Variants in IGSF11 observed in about 807,000 individuals in gnomAD.
The protein encoded by IGSF11 is CXADR like 1.
IGSF11 carries 22 observed loss-of-function variants against 41.0 expected under a neutral mutation model. The ratio of observed to expected loss-of-function variants is 0.54; its 90% CI spans 0.38 to 0.77. The LOEUF (loss-of-function observed/expected upper bound fraction) is 0.77, where lower values mean the gene tolerates loss of function less well. IGSF11 is among the 30% of genes least tolerant of loss of function. The pLI, the probability that IGSF11 is intolerant of heterozygous loss-of-function variation, is 0.00. For synonymous variants in IGSF11, 219 were observed against 201.3 expected (o/e 1.09, Z -0.74); for missense variants, 444 against 530.8 (o/e 0.84, Z 1.61).
intron 1 of IGSF11, among the ~76,000 whole-genome samples, chr3:118,980,681 G>C (rs1934623950): frequency 6.6e-6 from 1 of 152,184 alleles, no homozygotes. Flanking sequence ...GAGAGGAAAT[G>C]AAACGTGCCC....
chr3:118,982,721 G>T (rs1221519220), intron 1 of IGSF11, among the ~76,000 whole-genome samples: 1 of 151,974 alleles, frequency 6.6e-6, no homozygotes, highest in Non-Finnish European at 1.5e-5. Flanking sequence ...TCACTGAAAA[G>T]GCCTTCTCCT....
At chr3:118,928,143 ATG>A (rs1278343733) in intron 3 of IGSF11, among the ~76,000 whole-genome samples, 1 of 152,332 alleles carries the variant, frequency 6.6e-6, no homozygotes, top group East Asian at 1.9e-4. Context: ...ATTCTCACAC[ATG>A]CTAAAACTTC....
At chr3:118,944,540 T>C (rs1012601044) in intron 1 of IGSF11, among the ~76,000 whole-genome samples, 3 of 150,760 alleles carry the variant, frequency 2.0e-5, no homozygotes, top group African/African-American at 7.3e-5. Flanking sequence ...CCTTCAGATT[T>C]CAAAATTCTG....
intron 1 of IGSF11, among the ~76,000 whole-genome samples, chr3:119,140,994 G>A (rs2077639598): frequency 7.2e-6 from 1 of 139,632 alleles, no homozygotes; most frequent in Admixed American, 7.8e-5. Flanking sequence ...AGTGAGCCGA[G>A]ACCATGCCAT....
intron 1 of IGSF11, among the ~76,000 whole-genome samples, chr3:119,123,543 T>G (rs994325493): frequency 1.3e-5 from 2 of 152,170 alleles, no homozygotes; most frequent in Admixed American, 6.5e-5. Flanking sequence ...ACAGCAAGCC[T>G]TGGGCAAGAT....
intron 1 of IGSF11, among the ~76,000 whole-genome samples, chr3:119,026,762 G>C (rs1045123180): frequency 6.6e-6 from 1 of 152,152 alleles, no homozygotes; most frequent in African/African-American, 2.4e-5. Context: ...CCCAAAGTAA[G>C]GCATTGGTGC....
At chr3:118,935,033 CCT>C (rs770527459) in intron 1 of IGSF11, among the ~76,000 whole-genome samples, 1 of 151,906 alleles carries the variant, frequency 6.6e-6, no homozygotes, top group Non-Finnish European at 1.5e-5. Context: ...AAAGCCCTGA[CCT>C]CTCAGTCTAG....
At chr3:119,004,521 C>T (rs2107679418) in intron 1 of IGSF11, among the ~76,000 whole-genome samples, 1 of 139,598 alleles carries the variant, frequency 7.2e-6, no homozygotes, top group South Asian at 2.4e-4. Flanking sequence ...AATGTGTTTA[C>T]TCTTGCTTTT....
chr3:119,050,440 A>T (rs971465751), intron 1 of IGSF11, among the ~76,000 whole-genome samples: 1 of 152,212 alleles, frequency 6.6e-6, no homozygotes, highest in Non-Finnish European at 1.5e-5. Context: ...TCAAAACCAC[A>T]ATGAGATACC....
At chr3:119,063,709 T>C (rs890459165) in intron 1 of IGSF11, among the ~76,000 whole-genome samples, 1 of 152,240 alleles carries the variant, frequency 6.6e-6, no homozygotes, top group Admixed American at 6.5e-5. Flanking sequence ...ACAAGTCAGA[T>C]GTATTCACAC....
chr3:118,913,443 G>A (rs951946651), intron 4 of IGSF11, among the ~76,000 whole-genome samples: 2 of 152,158 alleles, frequency 1.3e-5, no homozygotes, highest in East Asian at 1.9e-4. Context: ...AAACACAAAT[G>A]CCTACAGACT....
chr3:118,914,218 GA>G (rs1299766210), intron 4 of IGSF11, among the ~76,000 whole-genome samples: 2 of 152,158 alleles, frequency 1.3e-5, no homozygotes, highest in Admixed American at 6.5e-5. Context: ...GGGGCATAAA[GA>G]AAAAAGCTTA....
chr3:118,969,826 G>A (rs1292673002), intron 1 of IGSF11, among the ~76,000 whole-genome samples: 1 of 152,186 alleles, frequency 6.6e-6, no homozygotes, highest in African/African-American at 2.4e-5. Context: ...GGAAGGATGG[G>A]TGGAGGTCAT....
intron 1 of IGSF11, among the ~76,000 whole-genome samples, chr3:119,129,921 G>A (rs980014140): frequency 5.3e-5 from 8 of 152,058 alleles, no homozygotes; most frequent in South Asian, 4.2e-4. Flanking sequence ...GGAGGTCGAC[G>A]CTGCAGTAAG....
chr3:119,073,071 C>A (rs111390225), intron 1 of IGSF11, among the ~76,000 whole-genome samples: 2,485 of 152,200 alleles, frequency 0.016, 71 homozygotes, highest in African/African-American at 0.057. Flanking sequence ...GGTGCACTTA[C>A]AAACCTTGAG....
intron 1 of IGSF11, among the ~76,000 whole-genome samples, chr3:118,958,095 T>C (rs554837136): frequency 1.1e-3 from 166 of 152,338 alleles, no homozygotes; most frequent in African/African-American, 3.8e-3. Context: ...TATTCTAGAA[T>C]CACTTGAAAA....
chr3:118,963,787 CAG>C lies in IGSF11; in HGVS notation c.53-33514_53-33513del, dbSNP rs556448058. 3.9e-5 allele frequency among the ~76,000 whole-genome samples: 6 copies of C among 152,172 alleles called. No individual in the cohort carries two copies. In the South Asian group the frequency reaches 6.2e-4, roughly 16 times the overall value. ...AATGTTTCTAATCTATATAGAGAGA[CAG>C]AGAATCAATGTTTTTTTCCTTAGGG... On this transcript the variant is annotated intron_variant, in intron 1 of 6. Transcript: ENST00000393775.
chr3:118,902,818 T>C lies in IGSF11; in HGVS notation c.998A>G (p.Glu333Gly), dbSNP rs778216505. ...CAAGTCACTGAAGTGGCTGACTGAC[T>C]CTGTGTTTCTATGAACTTTTGGATT... ...SNNPKVHRNT[E>G]SVSHFSDLGQ... is the part of the protein sequence containing the mutation. Residue 333 changes from glutamate (E) to glycine (G), a missense_variant, in exon 7 of 7, where the codon GAG (glutamate) becomes GGG (glycine). Glu to Gly is a moderately conservative substitution (Grantham distance 98). Coordinates refer to ENST00000393775, the MANE Select transcript of IGSF11 (RefSeq NM_001015887.3). The C allele has an allele frequency of 6.2e-7, 1 of 1,614,176 alleles. No homozygotes were observed. Among genetic ancestry groups the C allele is most frequent in the South Asian group, 1.1e-5 (1 of 91,084 alleles).
intron 1 of IGSF11, among the ~76,000 whole-genome samples, chr3:119,113,353 T>C (rs561193274): frequency 6.6e-6 from 1 of 152,154 alleles, no homozygotes; most frequent in Non-Finnish European, 1.5e-5. Flanking sequence ...AACCAGTTAG[T>C]TATTTACAAG....
Sources: gnomAD v4.1 joint callset for allele counts (sites outside exome capture counted in the v4.1 genomes callset) on GRCh38, gnomAD v4.1.1 for gene constraint, MANE v1.5 for transcripts, NCBI Gene and HGNC (gene_info 2026-07-23, HGNC 2026-07-21) for gene names.